DTHD1: variants seen among roughly 807,000 people sequenced by gnomAD.
DTHD1 encodes the protein death domain-containing protein 1.
DTHD1 carries 59 observed loss-of-function variants against 74.8 expected under a neutral mutation model. That is an observed-to-expected ratio of 0.79 (90% CI 0.64 to 0.98). DTHD1 has a LOEUF of 0.98. Ranked by LOEUF, DTHD1 falls within the 50% of genes least tolerant of loss-of-function variation. The pLI is 0.00. For synonymous variants in DTHD1, 365 were observed against 371.1 expected (o/e 0.98, Z 0.19); for missense variants, 1,051 against 1,065.4 (o/e 0.99, Z 0.19).
Position 36,308,199 on chromosome 4 carries a change from T to C in DTHD1, c.1806-5T>C, listed in dbSNP as rs2109498804. ...CCTGGGGTCTCACCTCTTTCTTCCA[T>C]GCAGGTTTATTGTACTTCACCTCTC... On this transcript the variant is annotated splice_polypyrimidine_tract_variant and splice_region_variant and intron_variant, in intron 6 of 9. Transcript: ENST00000639862. 1 of 1,550,742 alleles carries C rather than the reference T, an allele frequency of 6.4e-7. No individual in the cohort carries two copies. Among genetic ancestry groups the C allele is most frequent in the Non-Finnish European group, 8.7e-7 (1 of 1,146,044 alleles).
rs9654132 is a variant in DTHD1 at position 36,339,131 on chromosome 4, G to A, written c.2360G>A (p.Arg787His). 0.23 allele frequency: 352,471 copies of A among 1,538,194 alleles called. 42,487 individuals are homozygous for A. The highest frequency in any genetic ancestry group is 0.24 in the Middle Eastern group (1,451 of 5,960). The change falls in exon 9 of 10, where the codon CGT (arginine) becomes CAT (histidine). Residue 787 changes from arginine (R) to histidine (H), a missense_variant. Coordinates refer to ENST00000639862, the MANE Select transcript of DTHD1 (RefSeq NM_001170700.3). The stretch of plus-strand genomic sequence containing the variant: ...CAATAGCATAAGAAATTAATCAACC[G>A]TCCACAGAGTACCAAAAGAGTTTCT... ...KLPKHKKLIN[R>H]PQSTKRVSKD...
Position 36,293,524 on chromosome 4 carries a change from A to G in DTHD1, c.1219-2A>G, listed in dbSNP as rs1471544391. 1 of 1,535,514 alleles carries G rather than the reference A, an allele frequency of 6.5e-7. No homozygotes were observed. The highest frequency in any genetic ancestry group is 8.8e-7 in the Non-Finnish European group (1 of 1,136,790). On this transcript the variant is annotated splice_acceptor_variant, in intron 3 of 9. Transcript: ENST00000639862. LOFTEE classifies it high-confidence loss of function. ...TATTTTAATGTTCTTTATTCTATAC[A>G]GGGGACCTGTGCTTCAGTAAAAGTT...
At chr4:36,287,366 C>A (rs1352182845) in intron 2 of DTHD1, among the ~76,000 whole-genome samples, 1 of 152,052 alleles carries the variant, frequency 6.6e-6, no homozygotes, top group Admixed American at 6.6e-5. Flanking sequence ...GTATATGTAA[C>A]AATTTCTTTA....
chr4:36,335,627 TAA>T (rs564543068), intron 8 of DTHD1, among the ~76,000 whole-genome samples: 210 of 152,322 alleles, frequency 1.4e-3, no homozygotes, highest in African/African-American at 4.3e-3. Context: ...TCAAAAACGT[TAA>T]GTCTATTGAG....
At chr4:36,340,838 G>A (rs1233391142) in intron 9 of DTHD1, among the ~76,000 whole-genome samples, 2 of 152,110 alleles carry the variant, frequency 1.3e-5, no homozygotes, top group South Asian at 2.1e-4. Context: ...GAAGAGGCCT[G>A]AGATGGGATG....
chr4:36,308,370 A>T lies in DTHD1; in HGVS notation c.1972A>T (p.Ser658Cys). 1 of 1,551,852 alleles carries T rather than the reference A, an allele frequency of 6.4e-7. No individual in the cohort carries two copies. Among genetic ancestry groups the T allele is most frequent in the South Asian group, 1.2e-5 (1 of 84,070 alleles). The change falls in exon 7 of 10, where the codon AGC becomes TGC. Residue 658 changes from serine to cysteine, a missense_variant. Physicochemically the swap from Ser to Cys is moderately radical, Grantham distance 112. Coordinates refer to ENST00000639862, the MANE Select transcript of DTHD1 (RefSeq NM_001170700.3). ...AVLVVPSKDLSQVLKDLHLEG... is the reference protein window; with the variant it reads ...AVLVVPSKDLCQVLKDLHLEG... ...TTTAGTGGTGCCTTCCAAAGATTTA[A>T]GCCAGGTGCTTAAGGACCTGCACTT... is the stretch of plus-strand genomic sequence containing the variant.
intron 8 of DTHD1, among the ~76,000 whole-genome samples, chr4:36,337,912 A>G (rs1759101568): frequency 6.6e-6 from 1 of 152,234 alleles, no homozygotes; most frequent in Non-Finnish European, 1.5e-5. Context: ...TGCAAAATAT[A>G]GTACAGAGAA....
At chr4:36,334,311 C>T (rs1386609109) in intron 8 of DTHD1, among the ~76,000 whole-genome samples, 1 of 151,478 alleles carries the variant, frequency 6.6e-6, no homozygotes, top group African/African-American at 2.4e-5. Flanking sequence ...GGTTCATTGT[C>T]AGGAACACTC....
At position 36,346,018 on chromosome 4, in the gene DTHD1, A is replaced by T. The variant is rs1376232453; in HGVS notation, c.*2194A>T. ...TTTCGGGTCCACTTGTGCACCTCAC[A>T]TATGCTGTCACAAACACACCCCTCC... On this transcript the variant is annotated 3_prime_UTR_variant, in exon 10 of 10. Coordinates refer to ENST00000639862, the MANE Select transcript of DTHD1 (RefSeq NM_001170700.3). Among the ~76,000 whole-genome samples the T allele has an allele frequency of 1.3e-5, 2 of 151,904 alleles. No individual in the cohort carries two copies. The highest frequency in any genetic ancestry group is 2.9e-5 in the Non-Finnish European group (2 of 67,972).
chr4:36,340,611 T>C (rs1041072826), intron 9 of DTHD1, among the ~76,000 whole-genome samples: 11 of 152,206 alleles, frequency 7.2e-5, no homozygotes, highest in South Asian at 4.1e-4. Context: ...AAGACCATCA[T>C]TGATTATTCT....
intron 7 of DTHD1, among the ~76,000 whole-genome samples, chr4:36,315,412 T>C (rs1250104550): frequency 6.6e-6 from 1 of 152,240 alleles, no homozygotes; most frequent in African/African-American, 2.4e-5. Context: ...TGTGGAAATG[T>C]TTTATATCTG....
At chr4:36,329,164 T>C (rs1002553659) in intron 8 of DTHD1, among the ~76,000 whole-genome samples, 4 of 152,208 alleles carry the variant, frequency 2.6e-5, no homozygotes, top group African/African-American at 9.7e-5. Context: ...TGTCATTTCC[T>C]TTGTACCTTT....
At chr4:36,283,697 G>C (rs188038379) in intron 1 of DTHD1, among the ~76,000 whole-genome samples, 148 of 152,330 alleles carry the variant, frequency 9.7e-4, no homozygotes, top group African/African-American at 3.4e-3. Flanking sequence ...AAGAGGTTAT[G>C]ACATTTGTCT....
chr4:36,314,674 C>G (rs1757601030), intron 7 of DTHD1, among the ~76,000 whole-genome samples: 1 of 148,094 alleles, frequency 6.8e-6, no homozygotes, highest in Non-Finnish European at 1.5e-5. Flanking sequence ...GCCTGGGTGA[C>G]AGAGTGAGGC....
chr4:36,302,957 A>G (rs1251468407), intron 5 of DTHD1, among the ~76,000 whole-genome samples: 1 of 152,220 alleles, frequency 6.6e-6, no homozygotes, highest in Non-Finnish European at 1.5e-5. Context: ...ACAATATAGA[A>G]TGAGAATTTT....
intron 8 of DTHD1, among the ~76,000 whole-genome samples, chr4:36,325,467 A>G (rs1005027500): frequency 6.6e-6 from 1 of 152,244 alleles, no homozygotes; most frequent in Non-Finnish European, 1.5e-5. Context: ...ACGACAGCCT[A>G]TAAGGATAAA....
At chr4:36,328,744 C>G (rs747311455) in intron 8 of DTHD1, among the ~76,000 whole-genome samples, 81 of 152,212 alleles carry the variant, frequency 5.3e-4, no homozygotes, top group Non-Finnish European at 8.2e-4. Context: ...CACATGACCA[C>G]ATTACTATTG....
chr4:36,316,266 A>C lies in DTHD1; in HGVS notation c.2120A>C (p.Asp707Ala), dbSNP rs1560806010. Reference protein sequence around the residue: ...ASSNGKDYGKDYTLIFHLQRK... With the variant: ...ASSNGKDYGKAYTLIFHLQRK... The stretch of plus-strand genomic sequence containing the variant: ...GGCAACGGGAAGGATTATGGAAAAG[A>C]CTACACACTTATTTTTCACTTGCAA... Residue 707 changes from aspartate (D) to alanine (A), a missense_variant, in exon 8 of 10, where the codon GAC becomes GCC. Physicochemically the swap from Asp to Ala is moderately radical, Grantham distance 126 (BLOSUM62 -2). Coordinates refer to ENST00000639862, the MANE Select transcript of DTHD1 (RefSeq NM_001170700.3). The C allele has an allele frequency of 6.4e-7, 1 of 1,551,562 alleles. No individual in the cohort carries two copies. Among genetic ancestry groups the C allele is most frequent in the East Asian group, 2.4e-5 (1 of 40,892 alleles).
Position 36,316,306 on chromosome 4 carries a change from G to A in DTHD1, c.2160G>A (p.Leu720=). The A allele has an allele frequency of 1.9e-6, 3 of 1,551,864 alleles. No individual in the cohort carries two copies. The highest frequency in any genetic ancestry group is 2.6e-6 in the Non-Finnish European group (3 of 1,147,000). The part of the protein sequence containing the change: ...LIFHLQRKPR[L]ELQIKEVDEF... The stretch of plus-strand genomic sequence containing the variant: ...TTCACTTGCAAAGAAAACCTAGGCT[G>A]GAACTCCAAATCAAAGAAGTGGACG... The change falls in exon 8 of 10, where the codon CTG becomes CTA. Residue 720 remains leucine (L), a synonymous_variant. Coordinates refer to ENST00000639862, the MANE Select transcript of DTHD1 (RefSeq NM_001170700.3).
Sources: allele counts gnomAD v4.1 joint callset (sites outside exome capture counted in the v4.1 genomes callset), GRCh38; gene constraint gnomAD v4.1.1; transcripts MANE v1.5; gene names NCBI Gene and HGNC (gene_info 2026-07-23, HGNC 2026-07-21).